SLC6A14: variants seen among roughly 807,000 people sequenced by gnomAD.
SLC6A14 encodes sodium- and chloride-dependent neutral and basic amino acid transporter B(0+).
A neutral mutation model predicts 51.4 loss-of-function variants in SLC6A14; 21 were observed. The observed-to-expected ratio is 0.41, with a 90% CI of 0.29 to 0.59. The LOEUF (loss-of-function observed/expected upper bound fraction) is 0.59, where lower values mean the gene tolerates loss of function less well. SLC6A14 is among the 20% of genes least tolerant of loss of function. The pLI, the probability that SLC6A14 is intolerant of heterozygous loss-of-function variation, is 0.31. For synonymous variants in SLC6A14, 177 were observed against 160.7 expected (o/e 1.10, Z -0.77); for missense variants, 371 against 472.8 (o/e 0.78, Z 2.00).
chrX:116,450,218 C>A (rs1479856356), intron 7 of SLC6A14, among the ~76,000 whole-genome samples: 4 of 110,910 alleles, frequency 3.6e-5, no homozygotes, highest in Non-Finnish European at 7.5e-5. Flanking sequence ...CAAAATTAAC[C>A]TACAAATTTT....
At chrX:116,442,550 C>A in intron 3 of SLC6A14, 137 bp from the exon 4 acceptor site, 1 of 456,302 alleles carries the variant, frequency 2.2e-6, no homozygotes. Context: ...TAGGCATGAG[C>A]CACCGCACCC....
At chrX:116,444,339 G>T (rs189556906) in intron 5 of SLC6A14, among the ~76,000 whole-genome samples, 1 of 111,444 alleles carries the variant, frequency 9.0e-6, no homozygotes, top group African/African-American at 3.2e-5. Context: ...TTCATCCACT[G>T]TTAATGACCT....
intron 7 of SLC6A14, among the ~76,000 whole-genome samples, chrX:116,449,221 G>A (rs1352109117): frequency 1.8e-5 from 2 of 111,880 alleles, no homozygotes; most frequent in Non-Finnish European, 3.8e-5. Flanking sequence ...TTTGAATTAC[G>A]ATTTCCTAGT....
chrX:116,458,671 C>CT (rs1162973714), intron 13 of SLC6A14, 138 bp from the exon 14 acceptor site: 4 of 499,336 alleles, frequency 8.0e-6, no homozygotes, highest in Non-Finnish European at 1.2e-5. Flanking sequence ...TAGATGAACA[C>CT]TTTTTAGTTT....
chrX:116,457,751 T>A lies in SLC6A14; in HGVS notation c.1757T>A (p.Ile586Asn). 8.3e-7 allele frequency: 1 copy of A among 1,199,390 alleles called. No individual in the cohort carries two copies. The highest frequency in any genetic ancestry group is 1.8e-5 in the South Asian group (1 of 56,374). The stretch of plus-strand genomic sequence containing the variant: ...CCAATTATGGCTATCATAAAAATAA[T>A]TCAGGCTAAAGGAAACATCTTTCAA... Reference protein sequence around the residue: ...WIPIMAIIKIIQAKGNIFQRL... With the variant: ...WIPIMAIIKINQAKGNIFQRL... Residue 586 changes from isoleucine (I) to asparagine (N), a missense_variant, in exon 13 of 14, where the codon ATT (isoleucine) becomes AAT (asparagine). By Grantham distance (149) the Ile-to-Asn change is moderately radical. Coordinates refer to ENST00000598581, the MANE Select transcript of SLC6A14 (RefSeq NM_007231.5).
At chrX:116,438,282 A>C in intron 2 of SLC6A14, among the ~76,000 whole-genome samples, 1 of 111,960 alleles carries the variant, frequency 8.9e-6, no homozygotes, top group Admixed American at 9.5e-5. Context: ...TTTCTGTGAT[A>C]ATCTGTTCAA....
intron 6 of SLC6A14, 33 bp downstream of exon 6, chrX:116,445,083 G>A: frequency 1.8e-6 from 2 of 1,131,618 alleles, no homozygotes; most frequent in Non-Finnish European, 2.3e-6. Flanking sequence ...TAGCGATATA[G>A]CAGCTTTCCA....
chrX:116,443,531 C>G (rs1333979266), intron 4 of SLC6A14, 112 bp from the exon 5 acceptor site: 1 of 520,413 alleles, frequency 1.9e-6, no homozygotes, highest in African/African-American at 2.5e-5. Flanking sequence ...CCACTTTTTT[C>G]AAGTAACAAT....
intron 6 of SLC6A14, among the ~76,000 whole-genome samples, chrX:116,445,468 G>GAA (rs1271163890): frequency 6.6e-5 from 4 of 61,060 alleles, no homozygotes; most frequent in African/African-American, 1.9e-4. Context: ...GAGAGAGAGA[G>GAA]AGAGAGAGAG....
At position 116,437,872 on chromosome X, in the gene SLC6A14, A is replaced by G; in HGVS notation, c.131A>G (p.Asp44Gly). The change falls in exon 2 of 14, where the codon GAT becomes GGT. Residue 44 changes from aspartate to glycine, a missense_variant. Physicochemically the swap from Asp to Gly is moderately conservative, Grantham distance 94. Around this residue, in one of 2 missense-constraint regions of SLC6A14, gnomAD observed 277 missense variants for 391.8 expected, o/e 0.71. Transcript: ENST00000598581. ...CGTGGTAACTGGTCCAAAAAATCGG[A>G]TTATCTTCTATCTATGATTGGATAC... is the stretch of plus-strand genomic sequence containing the variant. ...QDRGNWSKKS[D>G]YLLSMIGYAV... 8.3e-7 allele frequency: 1 copy of G among 1,206,025 alleles called. No homozygotes were observed. The highest frequency in any genetic ancestry group is 1.1e-6 in the Non-Finnish European group (1 of 890,733).
At chrX:116,443,949 G>A (rs1927653997) in intron 5 of SLC6A14, among the ~76,000 whole-genome samples, 159 bp downstream of exon 5, 1 of 111,791 alleles carries the variant, frequency 8.9e-6, no homozygotes. Flanking sequence ...CCTATCCCAG[G>A]TGATTAGTAG....
chrX:116,439,019 G>C (rs1247460576), intron 2 of SLC6A14, among the ~76,000 whole-genome samples: 1 of 110,917 alleles, frequency 9.0e-6, no homozygotes, highest in African/African-American at 3.3e-5. Context: ...GCTGGAAAAT[G>C]CATCAGAAAT....
At chrX:116,446,057 C>G (rs1342785727) in intron 6 of SLC6A14, among the ~76,000 whole-genome samples, 2 of 100,967 alleles carry the variant, frequency 2.0e-5, no homozygotes, top group Non-Finnish European at 4.2e-5. Context: ...TTATTGGTCT[C>G]TGAATGACTT....
At chrX:116,443,881 A>C in intron 5 of SLC6A14, 91 bp downstream of exon 5, 6 of 713,893 alleles carry the variant, frequency 8.4e-6, no homozygotes, top group Non-Finnish European at 1.2e-5. Flanking sequence ...TCCTTAACTC[A>C]CATAAATAGA....
Position 116,445,180 on chromosome X carries a change from A to C in SLC6A14, c.789+130A>C, listed in dbSNP as rs782359386. The stretch of plus-strand genomic sequence containing the variant: ...ATTCAAATGTGTGAAAAGCTTTCTA[A>C]ATAGTGATTTTAAGCTCTAAGTAAA... On this transcript the variant is annotated intron_variant, in intron 6 of 13. Transcript: ENST00000598581. The C allele has an allele frequency of 2.0e-4, 126 of 619,667 alleles. No individual in the cohort carries two copies. The African/African-American group carries it at 2.7e-3, about 13-fold the overall frequency. The allele number at this position is 619,667 out of a possible 1,213,427, so 51.1% of individuals were successfully genotyped here.
Position 116,451,551 on chromosome X carries a change from C to T in SLC6A14, c.1040C>T (p.Ala347Val), listed in dbSNP as rs782711505. The T allele has an allele frequency of 1.7e-6, 2 of 1,209,776 alleles. No homozygotes were observed. The highest frequency in any genetic ancestry group is 2.2e-6 in the Non-Finnish European group (2 of 893,940). Residue 347 changes from alanine (A) to valine (V), a missense_variant, in exon 8 of 14, where the codon GCC (alanine) becomes GTC (valine). Ala to Val is a moderately conservative substitution (Grantham distance 64). Coordinates refer to ENST00000598581, the MANE Select transcript of SLC6A14 (RefSeq NM_007231.5). ...NKFKNNCFSD[A>V]IVVCLTNCLT... Reference sequence around the variant, plus strand: ...TTCAAAAACAACTGCTTCTCTGATGCCATTGTGGTTTGTTTGACAAACTGT... The same window carrying T: ...TTCAAAAACAACTGCTTCTCTGATGTCATTGTGGTTTGTTTGACAAACTGT...
At position 116,457,633 on chromosome X, in the gene SLC6A14, C is replaced by A. The variant is rs782198874; in HGVS notation, c.1639C>A (p.Gln547Lys). The change falls in exon 13 of 14, where the codon CAA (glutamine) becomes AAA (lysine). Residue 547 changes from glutamine (Q) to lysine (K), a missense_variant. Physicochemically the swap from Gln to Lys is moderately conservative, Grantham distance 53. Transcript: ENST00000598581. ...LIAIFIWSLV[Q>K]FHRPNYGAIP... ...GGCAATATTTATCTGGTCATTGGTG[C>A]AATTTCATAGACCTAATTATGGCGC... 1.7e-6 allele frequency: 2 copies of A among 1,207,537 alleles called. No individual in the cohort carries two copies. The highest frequency in any genetic ancestry group is 2.2e-6 in the Non-Finnish European group (2 of 892,831).
rs373061267 is a variant in SLC6A14 at position 116,437,769 on chromosome X, T to C, written c.49-21T>C. On this transcript the variant is annotated intron_variant, in intron 1 of 13. Transcript: ENST00000598581. ...TTTGTAATGGTAGAAAGGCAAGCTG[T>C]TGATATTTTTTCTTCCCCAGAAAGT... The C allele has an allele frequency of 3.4e-6, 4 of 1,187,795 alleles. No individual in the cohort carries two copies. The African/African-American group carries it at 7.1e-5, about 21-fold the overall frequency.
At chrX:116,453,645 C>T (rs1276379628) in intron 9 of SLC6A14, among the ~76,000 whole-genome samples, 1 of 110,801 alleles carries the variant, frequency 9.0e-6, no homozygotes, top group Non-Finnish European at 1.9e-5. Flanking sequence ...TCTTTGTTGC[C>T]ATAATAATGG....
Sources: gnomAD v4.1 joint callset for allele counts (sites outside exome capture counted in the v4.1 genomes callset) on GRCh38, gnomAD v4.1.1 for gene constraint, gnomAD v4.1.1 regional missense constraint, MANE v1.5 for transcripts, NCBI Gene and HGNC (gene_info 2026-07-23, HGNC 2026-07-21) for gene names.